Variants in SEMA3C observed in about 807,000 individuals in gnomAD.
The protein encoded by SEMA3C is semaphorin-3C.
A neutral mutation model predicts 89.4 loss-of-function variants in SEMA3C; 47 were observed. That is an observed-to-expected ratio of 0.53 (90% CI 0.42 to 0.67). The LOEUF (loss-of-function observed/expected upper bound fraction) is 0.67. Ranked by LOEUF, SEMA3C falls within the 30% of genes least tolerant of loss-of-function variation. The pLI, the probability that SEMA3C is intolerant of heterozygous loss-of-function variation, is 0.00. For missense variants in SEMA3C, 839 were observed against 929.1 expected (o/e 0.90, Z 1.26); for synonymous variants, 310 against 320.2 (o/e 0.97, Z 0.34).
At chr7:80,841,803 G>T (rs1790275595) in intron 2 of SEMA3C, among the ~76,000 whole-genome samples, 1 of 152,050 alleles carries the variant, frequency 6.6e-6, no homozygotes. Flanking sequence ...TAAAGGCCCA[G>T]ACTTTATGAA....
chr7:80,891,322 C>T (rs183071518), intron 2 of SEMA3C, among the ~76,000 whole-genome samples: 127 of 152,200 alleles, frequency 8.3e-4, no homozygotes, highest in African/African-American at 2.8e-3. Flanking sequence ...CTTTGCAAAA[C>T]CTGTTACTGA....
intron 2 of SEMA3C, among the ~76,000 whole-genome samples, chr7:80,895,515 A>G (rs923436113): frequency 6.6e-6 from 1 of 152,204 alleles, no homozygotes; most frequent in African/African-American, 2.4e-5. Context: ...ACTTAACAAA[A>G]TGACTTTCAT....
intron 2 of SEMA3C, chr7:80,905,712 T>C: frequency 8.4e-6 from 4 of 477,614 alleles, no homozygotes; most frequent in Non-Finnish European, 1.6e-5. Context: ...TCTAAACTAG[T>C]TTAAGATAAT....
chr7:80,771,514 C>T (rs1046007879), intron 12 of SEMA3C, among the ~76,000 whole-genome samples: 9 of 152,136 alleles, frequency 5.9e-5, no homozygotes, highest in African/African-American at 2.2e-4. Flanking sequence ...TATAAGGGAG[C>T]ACAGCAATTA....
intron 17 of SEMA3C, among the ~76,000 whole-genome samples, chr7:80,746,551 G>A (rs1787803676): frequency 6.6e-6 from 1 of 152,070 alleles, no homozygotes; most frequent in Non-Finnish European, 1.5e-5. Context: ...TAGGAATTTA[G>A]ACTATATACT....
intron 1 of SEMA3C, among the ~76,000 whole-genome samples, chr7:80,917,088 A>G (rs532420505): frequency 6.6e-6 from 1 of 152,334 alleles, no homozygotes; most frequent in South Asian, 2.1e-4. Context: ...AGTGAAGAAA[A>G]ACACTGATAC....
chr7:80,745,406 GA>G, intron 17 of SEMA3C, 99 bp from the exon 18 acceptor site: 1 of 1,241,558 alleles, frequency 8.1e-7, no homozygotes, highest in Non-Finnish European at 1.1e-6. Flanking sequence ...ACAGATTTGG[GA>G]AAAAAGTATT....
rs1787865030 is a variant in SEMA3C, at chr7:80,749,019, T to C, written c.1721A>G (p.Asn574Ser). ...TCCATACTGGACAATTTCAGCTGCA[T>C]TTCTGTATGCTAGCAGGCAAAAATA... ...CRGFNLKAYRNAAEIVQYGVK... is the reference protein window; with the variant it reads ...CRGFNLKAYRSAAEIVQYGVK... The change falls in exon 17 of 18, where the codon AAT (asparagine) becomes AGT (serine). Residue 574 changes from asparagine to serine, a missense_variant. By Grantham distance (46) the Asn-to-Ser change is conservative (BLOSUM62 1). Transcript: ENST00000265361. 1.2e-6 allele frequency: 2 copies of C among 1,604,342 alleles called. No individual in the cohort carries two copies. Among genetic ancestry groups the C allele is most frequent in the African/African-American group, 1.3e-5 (1 of 74,480 alleles).
chr7:80,873,058 G>GAAC (rs570020918), intron 2 of SEMA3C, among the ~76,000 whole-genome samples: 47 of 151,918 alleles, frequency 3.1e-4, no homozygotes, highest in Middle Eastern at 6.8e-3. Flanking sequence ...TGGAAGAAGG[G>GAAC]AACAAAGGGC....
chr7:80,879,331 T>C (rs1455087574), intron 2 of SEMA3C, among the ~76,000 whole-genome samples: 2 of 152,192 alleles, frequency 1.3e-5, no homozygotes, highest in African/African-American at 4.8e-5. Context: ...GGAACAAAGT[T>C]CTTTTAGAGA....
At position 80,744,877 on chromosome 7, in the gene SEMA3C, A is replaced by C. The variant is rs200142375; in HGVS notation, c.*17T>G. 9 of 1,613,486 alleles carry C rather than the reference A, an allele frequency of 5.6e-6. No individual in the cohort carries two copies. In the South Asian group the frequency reaches 7.7e-5, roughly 14 times the overall value. On this transcript the variant is annotated 3_prime_UTR_variant, in exon 18 of 18. Transcript: ENST00000265361. Reference sequence around the variant, plus strand: ...GAGCATTTGTTAATGGAAGCATAAGACCCACATAAGAAAATATTATGACTC... The same window carrying C: ...GAGCATTTGTTAATGGAAGCATAAGCCCCACATAAGAAAATATTATGACTC...
At chr7:80,806,154 G>A (rs755117030) in intron 6 of SEMA3C, among the ~76,000 whole-genome samples, 18 of 152,058 alleles carry the variant, frequency 1.2e-4, no homozygotes, top group Non-Finnish European at 2.5e-4. Flanking sequence ...CACTGTAAGA[G>A]TCAGAAAACA....
At chr7:80,903,763 C>T (rs747826645) in intron 2 of SEMA3C, among the ~76,000 whole-genome samples, 14 of 152,122 alleles carry the variant, frequency 9.2e-5, no homozygotes, top group Non-Finnish European at 1.6e-4. Context: ...GTATCTACTA[C>T]GTATCACACA....
At chr7:80,819,639 C>G (rs1272355276) in intron 4 of SEMA3C, among the ~76,000 whole-genome samples, 1 of 152,198 alleles carries the variant, frequency 6.6e-6, no homozygotes, top group African/African-American at 2.4e-5. Flanking sequence ...TAAAATACTC[C>G]TTTCTTCTCT....
intron 2 of SEMA3C, among the ~76,000 whole-genome samples, chr7:80,834,820 C>T (rs1211707885): frequency 6.6e-6 from 1 of 152,116 alleles, no homozygotes; most frequent in East Asian, 1.9e-4. Flanking sequence ...CCACATCCTC[C>T]CTATACTTTA....
intron 12 of SEMA3C, among the ~76,000 whole-genome samples, chr7:80,775,061 T>G (rs1004904785): frequency 6.6e-6 from 1 of 152,094 alleles, no homozygotes; most frequent in Non-Finnish European, 1.5e-5. Context: ...GAATGGCATT[T>G]TTTTAAATGC....
At chr7:80,806,983 G>A (rs1789355785) in intron 6 of SEMA3C, among the ~76,000 whole-genome samples, 1 of 152,122 alleles carries the variant, frequency 6.6e-6, no homozygotes, top group Non-Finnish European at 1.5e-5. Context: ...GGTGTGGCGG[G>A]CATTTTGTTG....
chr7:80,749,056 A>AT (rs1727771944), intron 16 of SEMA3C, 28 bp from the exon 17 acceptor site: 1 of 1,574,172 alleles, frequency 6.4e-7, no homozygotes, highest in Non-Finnish European at 8.6e-7. Flanking sequence ...AAGGCGAGAG[A>AT]GAAAGAAAGA....
chr7:80,842,698 G>C (rs1490317845), intron 2 of SEMA3C, among the ~76,000 whole-genome samples: 1 of 151,994 alleles, frequency 6.6e-6, no homozygotes, highest in Non-Finnish European at 1.5e-5. Flanking sequence ...CATTTTACTA[G>C]GCAAAATGAG....
Sources: gnomAD v4.1 joint callset for allele counts (sites outside exome capture counted in the v4.1 genomes callset) on GRCh38, gnomAD v4.1.1 for gene constraint, MANE v1.5 for transcripts, NCBI Gene and HGNC (gene_info 2026-07-23, HGNC 2026-07-21) for gene names.